The following TASP1 variants were observed in gnomAD, a reference collection of about 807,000 sequenced individuals.
The protein encoded by TASP1 is taspase 1.
Under a neutral mutation model 56.6 loss-of-function variants are expected in TASP1, and 16 were observed. The observed-to-expected ratio is 0.28, with a 90% CI of 0.19 to 0.43. TASP1 has a LOEUF of 0.43. Ranked by LOEUF, TASP1 falls within the 20% of genes least tolerant of loss-of-function variation. The probability of loss-of-function intolerance (pLI) is 1.00; values close to 1 mark genes in which losing one functional copy is unlikely to be tolerated. For synonymous variants in TASP1, 179 were observed against 184.2 expected, an observed-to-expected ratio of 0.97 and a Z score of 0.23; for missense variants, 393 against 511.6, an observed-to-expected ratio of 0.77 and a Z score of 2.24.
the TASP1 span, chr20:13,299,171 C>T: frequency 6.8e-6 from 11 of 1,608,528 alleles, no homozygotes; most frequent in Admixed American, 5.1e-5. This position sits in a 1 kb window ranked among gnomAD's most constrained non-coding sequence, Gnocchi z 5.8. Flanking sequence ...GGTACTGCAT[C>T]CGCTCCATGC....
intron 6 of TASP1, among the ~76,000 whole-genome samples, chr20:13,578,150 C>G (rs1280764173): frequency 6.6e-6 from 1 of 151,998 alleles, no homozygotes; most frequent in African/African-American, 2.4e-5. Flanking sequence ...CTGAATAATA[C>G]TGCACATTGT....
the TASP1 span, among the ~76,000 whole-genome samples, chr20:13,272,393 A>G: frequency 6.6e-6 from 1 of 152,234 alleles, no homozygotes; most frequent in Non-Finnish European, 1.5e-5. Context: ...ATTAGGTTAT[A>G]GGAAATTGAA....
chr20:13,337,843 G>A, the TASP1 span, among the ~76,000 whole-genome samples: 5 of 152,168 alleles, frequency 3.3e-5, no homozygotes, highest in African/African-American at 7.2e-5. Context: ...CACCTCTGTC[G>A]TGTTATAAAT....
At chr20:13,454,591 G>A (rs558917922) in intron 11 of TASP1, among the ~76,000 whole-genome samples, 11 of 152,262 alleles carry the variant, frequency 7.2e-5, no homozygotes, top group African/African-American at 1.9e-4. Context: ...GGGGGCCCAC[G>A]TACCACAGCC....
intron 10 of TASP1, among the ~76,000 whole-genome samples, chr20:13,513,116 T>C (rs918136555): frequency 6.6e-6 from 1 of 152,174 alleles, no homozygotes; most frequent in Non-Finnish European, 1.5e-5. Flanking sequence ...AACTTTAAAG[T>C]AGCAAACAGG....
the TASP1 span, among the ~76,000 whole-genome samples, chr20:13,189,039 C>A: frequency 5.3e-5 from 8 of 152,128 alleles, no homozygotes; most frequent in East Asian, 1.9e-4. Flanking sequence ...TGTCACTTTA[C>A]GTTTTTTGTC....
chr20:13,565,303 TA>T (rs2046487863), intron 7 of TASP1, among the ~76,000 whole-genome samples: 1 of 151,266 alleles, frequency 6.6e-6, no homozygotes, highest in African/African-American at 2.4e-5. Context: ...GAAAACAACA[TA>T]GGGGAAAGGT....
intron 1 of TASP1, among the ~76,000 whole-genome samples, chr20:13,630,637 C>T (rs1252164028): frequency 7.2e-6 from 1 of 139,790 alleles, no homozygotes; most frequent in Non-Finnish European, 1.5e-5. Context: ...TGCAGTGAGC[C>T]GAGATCGCAC....
chr20:13,218,374 G>A, the TASP1 span, among the ~76,000 whole-genome samples: 2 of 151,962 alleles, frequency 1.3e-5, no homozygotes, highest in Admixed American at 6.6e-5. Flanking sequence ...CCCAAACCTA[G>A]ATCCAAGTAT....
At chr20:13,482,793 C>CA (rs1205547918) in intron 11 of TASP1, among the ~76,000 whole-genome samples, 2 of 152,076 alleles carry the variant, frequency 1.3e-5, no homozygotes, top group African/African-American at 4.8e-5. Flanking sequence ...ATTGTTAAAA[C>CA]AAAATAACAA....
chr20:13,472,758 A>G (rs1306437842), intron 11 of TASP1, among the ~76,000 whole-genome samples: 2 of 151,344 alleles, frequency 1.3e-5, no homozygotes, highest in Non-Finnish European at 2.9e-5. Context: ...TGCTCATCAG[A>G]GAAATACAAA....
At chr20:13,600,314 C>A (rs2047907948) in intron 4 of TASP1, among the ~76,000 whole-genome samples, 1 of 152,072 alleles carries the variant, frequency 6.6e-6, no homozygotes, top group Non-Finnish European at 1.5e-5. Flanking sequence ...GCAAAGAAAT[C>A]TTGAAAAGAA....
At chr20:13,223,152 G>A in the TASP1 span, among the ~76,000 whole-genome samples, 1 of 139,786 alleles carries the variant, frequency 7.2e-6, no homozygotes, top group Admixed American at 7.0e-5. Context: ...GCGAGACTCC[G>A]TCTCAAAAAA....
intron 8 of TASP1, 29 bp from the exon 9 acceptor site, chr20:13,534,170 A>G (rs1311037988): frequency 6.2e-7 from 1 of 1,612,234 alleles, no homozygotes; most frequent in East Asian, 2.2e-5. Context: ...ACAAGTATTC[A>G]CTAGGCATGG....
At chr20:13,623,339 A>G in intron 4 of TASP1, 107 bp downstream of exon 4, 1 of 852,580 alleles carries the variant, frequency 1.2e-6, no homozygotes, top group Admixed American at 2.6e-5. Flanking sequence ...TTGGTGGGAA[A>G]CACTGCTCAT....
the TASP1 span, among the ~76,000 whole-genome samples, chr20:13,210,262 T>A: frequency 6.6e-6 from 1 of 150,900 alleles, no homozygotes; most frequent in Non-Finnish European, 1.5e-5. Context: ...AATTGATACA[T>A]GTTTGGATTG....
At chr20:13,574,582 T>C (rs909201316) in intron 6 of TASP1, among the ~76,000 whole-genome samples, 4 of 152,178 alleles carry the variant, frequency 2.6e-5, no homozygotes, top group Non-Finnish European at 5.9e-5. Flanking sequence ...TATTCATATG[T>C]TCAGGAAGCT....
At chr20:13,360,620 C>T in the TASP1 span, among the ~76,000 whole-genome samples, 21 of 152,324 alleles carry the variant, frequency 1.4e-4, no homozygotes, top group African/African-American at 4.8e-4. Context: ...TGCTTTAATA[C>T]TTTCAGAGGC....
At chr20:13,531,354 T>C (rs1408084114) in intron 9 of TASP1, among the ~76,000 whole-genome samples, 1 of 151,830 alleles carries the variant, frequency 6.6e-6, no homozygotes, top group Non-Finnish European at 1.5e-5. Context: ...CCTATTTGTG[T>C]GGGGGTGGGG....
Sources: gnomAD v4.1 joint callset for allele counts (sites outside exome capture counted in the v4.1 genomes callset) on GRCh38, gnomAD v4.1.1 for gene constraint, Gnocchi (gnomAD v3.1) non-coding constraint, MANE v1.5 for transcripts, NCBI Gene and HGNC (gene_info 2026-07-23, HGNC 2026-07-21) for gene names.